DMD: variants seen among roughly 807,000 people sequenced by gnomAD.
DMD encodes the protein dystrophin.
A neutral mutation model predicts 330.1 loss-of-function variants in DMD; 63 were observed. The ratio of observed to expected loss-of-function variants is 0.19; its 90% confidence interval spans 0.16 to 0.24. DMD has a LOEUF of 0.24. DMD is among the 10% of genes least tolerant of loss of function. The pLI is 1.00. For synonymous variants in DMD, 1,223 were observed against 959.8 expected, an observed-to-expected ratio of 1.27 and a Z score of -5.07; for missense variants, 3,344 against 2,684.1, an observed-to-expected ratio of 1.25 and a Z score of -5.43.
intron 2 of DMD, among the ~76,000 whole-genome samples, chrX:32,996,431 A>G (rs750054611): frequency 8.9e-6 from 1 of 111,751 alleles, no homozygotes; most frequent in South Asian, 3.7e-4. Context: ...CCATTTTTTG[A>G]AAGTATCATG....
chrX:31,535,770 CTTCA>C (rs901275731), intron 55 of DMD, among the ~76,000 whole-genome samples: 12 of 111,873 alleles, frequency 1.1e-4, no homozygotes, highest in African/African-American at 3.9e-4. Flanking sequence ...GCCATTGTCC[CTTCA>C]TTCATTCTAC....
At chrX:31,609,054 C>T (rs1405476258) in intron 55 of DMD, among the ~76,000 whole-genome samples, 2 of 112,052 alleles carry the variant, frequency 1.8e-5, no homozygotes, top group East Asian at 5.6e-4. Flanking sequence ...ACAATATTTA[C>T]CCGTGCTAGA....
intron 1 of DMD, among the ~76,000 whole-genome samples, chrX:33,096,035 T>C (rs1409226289): frequency 4.6e-5 from 4 of 86,287 alleles, no homozygotes; most frequent in Non-Finnish European, 6.4e-5. Context: ...AGTGCAGTGG[T>C]GCGATCTCGG....
At chrX:31,350,704 ACT>A (rs2058363605) in intron 60 of DMD, among the ~76,000 whole-genome samples, 1 of 108,574 alleles carries the variant, frequency 9.2e-6, no homozygotes, top group Non-Finnish European at 1.9e-5. Context: ...GCCTACTGAC[ACT>A]GAGTGCACTG....
chrX:31,204,637 T>G (rs1383099222), intron 66 of DMD, among the ~76,000 whole-genome samples: 1 of 111,824 alleles, frequency 8.9e-6, no homozygotes, highest in Non-Finnish European at 1.9e-5. Context: ...TGTTGTTGTT[T>G]TTTGAGACGG....
chrX:32,958,865 C>T (rs2091741697), intron 2 of DMD, among the ~76,000 whole-genome samples: 1 of 110,553 alleles, frequency 9.0e-6, no homozygotes. Context: ...TACATTATTA[C>T]CAACCTGCTA....
chrX:31,908,277 GCGGCACTATT>G (rs2094502695), intron 47 of DMD, among the ~76,000 whole-genome samples: 1 of 111,841 alleles, frequency 8.9e-6, no homozygotes, highest in African/African-American at 3.3e-5. Context: ...TATGTTTATT[GCGGCACTATT>G]CACAATAGCA....
intron 1 of DMD, among the ~76,000 whole-genome samples, chrX:33,312,900 C>T (rs2053872105): frequency 9.0e-6 from 1 of 111,366 alleles, no homozygotes; most frequent in African/African-American, 3.3e-5. Flanking sequence ...GAACACTAGA[C>T]AGAAATTCAC....
intron 2 of DMD, among the ~76,000 whole-genome samples, chrX:32,858,486 C>T (rs139125948): frequency 1.8e-5 from 2 of 111,252 alleles, no homozygotes; most frequent in East Asian, 5.7e-4. Context: ...TGTGTCATCA[C>T]GTCCAGCTCA....
At chrX:32,992,682 G>A (rs781129113) in intron 2 of DMD, among the ~76,000 whole-genome samples, 358 of 110,182 alleles carry the variant, frequency 3.2e-3, no homozygotes, top group African/African-American at 0.011. Flanking sequence ...CGATGGGGGC[G>A]GATCACCTGA....
intron 45 of DMD, among the ~76,000 whole-genome samples, chrX:31,958,218 C>T (rs1420419488): frequency 9.3e-6 from 1 of 107,593 alleles, no homozygotes; most frequent in Admixed American, 1.0e-4. Context: ...TACAGCAACC[C>T]AAGTAAGGAG....
intron 30 of DMD, among the ~76,000 whole-genome samples, chrX:32,400,644 C>A (rs1206492723): frequency 9.1e-6 from 1 of 110,179 alleles, no homozygotes; most frequent in East Asian, 2.9e-4. Flanking sequence ...CCATCTCACA[C>A]CAGTTAGAAT....
chrX:32,568,104 C>A (rs1398577472), intron 15 of DMD, among the ~76,000 whole-genome samples: 1 of 112,022 alleles, frequency 8.9e-6, no homozygotes. Flanking sequence ...GCAATAAAAA[C>A]CTATGAGTAA....
chrX:32,290,456 A>G (rs1189557152), intron 42 of DMD, among the ~76,000 whole-genome samples: 1 of 112,564 alleles, frequency 8.9e-6, no homozygotes. Context: ...TTTTTGTTGA[A>G]TAAATGAATA....
At chrX:33,010,258 A>G (rs1485501373) in intron 2 of DMD, among the ~76,000 whole-genome samples, 1 of 107,282 alleles carries the variant, frequency 9.3e-6, no homozygotes, top group Non-Finnish European at 1.9e-5. Context: ...GTATATATGT[A>G]CAAATATGTG....
At chrX:31,183,677 T>C (rs952806143) in intron 67 of DMD, among the ~76,000 whole-genome samples, 2 of 111,012 alleles carry the variant, frequency 1.8e-5, no homozygotes, top group Non-Finnish European at 3.8e-5. Context: ...CCCTATAGGA[T>C]TGTTTTAATT....
At chrX:31,716,773 T>C (rs1334425748) in intron 52 of DMD, among the ~76,000 whole-genome samples, 2 of 106,187 alleles carry the variant, frequency 1.9e-5, no homozygotes, top group African/African-American at 3.5e-5. Flanking sequence ...ATATATAAAA[T>C]TGACATATAA....
At chrX:32,127,458 A>C (rs1170324275) in intron 44 of DMD, among the ~76,000 whole-genome samples, 1 of 111,152 alleles carries the variant, frequency 9.0e-6, no homozygotes, top group Admixed American at 9.6e-5. Flanking sequence ...TCCAGCTAAC[A>C]CAGCTGGCCT....
intron 1 of DMD, among the ~76,000 whole-genome samples, chrX:33,316,536 C>T (rs1417549735): frequency 1.8e-5 from 2 of 111,415 alleles, no homozygotes; most frequent in Non-Finnish European, 3.8e-5. Flanking sequence ...TATTTCTCTG[C>T]CTATGTGTAT....
Sources: allele counts gnomAD v4.1 joint callset (sites outside exome capture counted in the v4.1 genomes callset), GRCh38; gene constraint gnomAD v4.1.1; transcripts MANE v1.5; gene names NCBI Gene and HGNC (gene_info 2026-07-23, HGNC 2026-07-21).